The following CPNE1 variants were observed in gnomAD, a reference collection of about 807,000 sequenced individuals.
CPNE1 encodes copine 1, also known as copine-1.
CPNE1 carries 58 observed loss-of-function variants against 63.2 expected under a neutral mutation model. The observed-to-expected ratio is 0.92, with a 90% CI of 0.74 to 1.14. The LOEUF is 1.14. CPNE1 is among the 50% of genes most tolerant of loss of function. CPNE1 has a pLI of 0.00. For synonymous variants in CPNE1, 237 were observed against 249.0 expected (o/e 0.95, Z 0.45); for missense variants, 672 against 661.7 (o/e 1.02, Z -0.17).
chr20:35,654,545 T>C, intron 1 of CPNE1: 1 of 1,614,196 alleles, frequency 6.2e-7, no homozygotes, highest in Non-Finnish European at 8.5e-7. Context: ...CCAGAGCCAT[T>C]CATTCCAGCA....
At chr20:35,653,268 T>G in intron 1 of CPNE1, 1 of 1,613,188 alleles carries the variant, frequency 6.2e-7, no homozygotes, top group South Asian at 1.1e-5. Context: ...CAGGCAGTCC[T>G]GCACTGGTTA....
chr20:35,631,863 TTC>T (rs1351056424), intron 6 of CPNE1, 80 bp downstream of exon 6: 2 of 1,535,596 alleles, frequency 1.3e-6, no homozygotes, highest in African/African-American at 3.4e-5. Context: ...TGCAGTCTCT[TTC>T]TGAGTTCCAA....
chr20:35,655,107 C>A, intron 1 of CPNE1: 1 of 1,614,162 alleles, frequency 6.2e-7, no homozygotes, highest in Non-Finnish European at 8.5e-7. Context: ...TACTACTCAA[C>A]AATAGTGTTA....
chr20:35,634,437 T>TA lies in CPNE1; in HGVS notation c.1-1515dup, dbSNP rs562467444. On this transcript the variant is annotated intron_variant, in intron 1 of 15. Coordinates refer to ENST00000397443, the MANE Select transcript of CPNE1 (RefSeq NM_152925.3). ...GGTGAAACCCTGTCTCTACTAAAAA[T>TA]AAAAAAAATTAGCTGGTATGGTGGT... 3.8e-4 allele frequency among the ~76,000 whole-genome samples: 56 copies of TA among 148,266 alleles called. 1 individual carries two copies. The highest frequency in any genetic ancestry group is 1.3e-3 in the African/African-American group (51 of 40,022).
At chr20:35,662,727 C>T (rs1229162623) in intron 1 of CPNE1, among the ~76,000 whole-genome samples, 2 of 152,144 alleles carry the variant, frequency 1.3e-5, no homozygotes, top group Non-Finnish European at 2.9e-5. Flanking sequence ...AACACACTGG[C>T]CCACAACATC....
chr20:35,630,640 C>T, intron 12 of CPNE1, 101 bp downstream of exon 12: 2 of 1,494,400 alleles, frequency 1.3e-6, no homozygotes, highest in Non-Finnish European at 9.3e-7. Flanking sequence ...CCTGCATCTC[C>T]TCTTAAAGCT....
At chr20:35,652,790 C>CAGGGGGA in intron 1 of CPNE1, 1 of 1,609,692 alleles carries the variant, frequency 6.2e-7, no homozygotes, top group Non-Finnish European at 8.5e-7. Context: ...GATGCAAAGC[C>CAGGGGGA]AGGGGGACCA....
At chr20:35,627,086 G>C (rs572234454) in intron 14 of CPNE1, among the ~76,000 whole-genome samples, 194 bp downstream of exon 14, 9 of 150,772 alleles carry the variant, frequency 6.0e-5, no homozygotes, top group Non-Finnish European at 1.0e-4. Context: ...TACTAGGAAG[G>C]CTGAGGCAGG....
intron 13 of CPNE1, among the ~76,000 whole-genome samples, chr20:35,627,748 G>A (rs1021817295): frequency 6.6e-6 from 1 of 152,050 alleles, no homozygotes; most frequent in Admixed American, 6.6e-5. Context: ...AATTACTGAG[G>A]GAGAAGGGAA....
chr20:35,630,552 C>T, intron 12 of CPNE1, 62 bp from the exon 13 acceptor site: 3 of 1,577,582 alleles, frequency 1.9e-6, no homozygotes, highest in Non-Finnish European at 2.6e-6. Flanking sequence ...TGAAAAAGGA[C>T]ACTGGCGTGT....
chr20:35,627,257 C>A (rs1375725538), intron 14 of CPNE1, 23 bp downstream of exon 14: 3 of 1,598,470 alleles, frequency 1.9e-6, no homozygotes, highest in East Asian at 4.5e-5. Flanking sequence ...GCCACCACTG[C>A]CACTGCCACC....
intron 1 of CPNE1, among the ~76,000 whole-genome samples, chr20:35,644,880 T>G (rs1282418714): frequency 2.0e-5 from 3 of 152,172 alleles, no homozygotes; most frequent in Non-Finnish European, 2.9e-5. Flanking sequence ...AAGGAATAAA[T>G]TTTAAGTAGC....
chr20:35,641,088 C>G (rs954576977), intron 1 of CPNE1, among the ~76,000 whole-genome samples: 9 of 152,204 alleles, frequency 5.9e-5, no homozygotes, highest in South Asian at 4.1e-4. Context: ...CCTAGCAGGG[C>G]ACATTCTCTC....
chr20:35,659,480 G>A (rs1344658220), intron 1 of CPNE1, among the ~76,000 whole-genome samples: 2 of 152,120 alleles, frequency 1.3e-5, no homozygotes, highest in Admixed American at 1.3e-4. Flanking sequence ...GGAAATTACT[G>A]CAATTATTCT....
At chr20:35,631,889 C>T in intron 6 of CPNE1, 56 bp downstream of exon 6, 2 of 1,571,438 alleles carry the variant, frequency 1.3e-6, no homozygotes, top group Non-Finnish European at 1.8e-6. Context: ...TTGCTAGTCA[C>T]AGGCCCCAGG....
chr20:35,650,749 T>C (rs1293639484), intron 1 of CPNE1: 1 of 152,626 alleles, frequency 6.6e-6, no homozygotes, highest in Non-Finnish European at 1.5e-5. Context: ...TTTCAAATCT[T>C]ATCAAATGAA....
intron 1 of CPNE1, among the ~76,000 whole-genome samples, chr20:35,633,725 G>A (rs1479237482): frequency 2.0e-5 from 3 of 152,102 alleles, no homozygotes; most frequent in Non-Finnish European, 4.4e-5. Context: ...GGCCAAGGTG[G>A]GCAGATCACT....
Position 35,628,153 on chromosome 20 carries a change from T to C in CPNE1, c.1103-740A>G, listed in dbSNP as rs545646673. The stretch of plus-strand genomic sequence containing the variant: ...AAAAAAAACTAGCCGGGCGTGGTGG[T>C]GGGCGCCTGTAGTCCCAGCTACTCG... On this transcript the variant is annotated intron_variant, in intron 13 of 15. Transcript: ENST00000397443. 2.2e-3 allele frequency among the ~76,000 whole-genome samples: 334 copies of C among 150,654 alleles called. 1 individual carries two copies. The highest frequency in any genetic ancestry group is 7.5e-3 in the African/African-American group (309 of 41,034).
intron 1 of CPNE1, chr20:35,652,245 G>C (rs2033574822): frequency 3.3e-6 from 1 of 305,010 alleles, no homozygotes; most frequent in Non-Finnish European, 6.1e-6. Context: ...TCCTTGATAA[G>C]CTTTATGTGG....
Sources: gnomAD v4.1 joint callset for allele counts (sites outside exome capture counted in the v4.1 genomes callset) on GRCh38, gnomAD v4.1.1 for gene constraint, MANE v1.5 for transcripts, NCBI Gene and HGNC (gene_info 2026-07-23, HGNC 2026-07-21) for gene names.